Variants in GPR39 observed in about 807,000 individuals in gnomAD.
The protein encoded by GPR39 is zinc sensing receptor.
Under a neutral mutation model 18.4 loss-of-function variants are expected in GPR39, and 23 were observed. That is an observed-to-expected ratio of 1.25 (90% CI 0.90 to 1.77). The LOEUF is 1.77. Ranked by LOEUF, GPR39 falls within the 40% of genes most tolerant of loss-of-function variation. The probability of loss-of-function intolerance (pLI) is 0.00; values close to 1 mark genes in which losing one functional copy is unlikely to be tolerated. For missense variants in GPR39, 647 were observed against 602.4 expected (o/e 1.07, Z -0.78); for synonymous variants, 280 against 257.9 (o/e 1.09, Z -0.82).
At chr2:132,628,148 C>T (rs980756087) in intron 1 of GPR39, among the ~76,000 whole-genome samples, 32 of 152,304 alleles carry the variant, frequency 2.1e-4, no homozygotes, top group Admixed American at 9.2e-4. Context: ...TACAGCCTTG[C>T]TCTGGGAAGC....
chr2:132,643,210 G>T (rs1353319292), intron 1 of GPR39, among the ~76,000 whole-genome samples: 1 of 152,094 alleles, frequency 6.6e-6, no homozygotes, highest in Non-Finnish European at 1.5e-5. Context: ...TTTTTCATCA[G>T]ATCAATATGT....
chr2:132,465,471 A>G (rs76237208), intron 1 of GPR39, among the ~76,000 whole-genome samples: 3,508 of 152,274 alleles, frequency 0.023, 115 homozygotes, highest in East Asian at 0.088. Context: ...ACTGTCTGTG[A>G]GTGCATTGGC....
intron 1 of GPR39, among the ~76,000 whole-genome samples, chr2:132,492,410 C>CAT (rs1288592834): frequency 7.4e-6 from 1 of 134,490 alleles, no homozygotes; most frequent in African/African-American, 2.7e-5. Flanking sequence ...ATATACATAC[C>CAT]ATATATATAC....
At chr2:132,636,408 C>G (rs1442118554) in intron 1 of GPR39, among the ~76,000 whole-genome samples, 1 of 152,138 alleles carries the variant, frequency 6.6e-6, no homozygotes, top group South Asian at 2.1e-4. Context: ...ACTCAGGGAT[C>G]TCAGGAAAGG....
At chr2:132,615,781 C>T (rs909058974) in intron 1 of GPR39, among the ~76,000 whole-genome samples, 6 of 152,164 alleles carry the variant, frequency 3.9e-5, no homozygotes, top group Admixed American at 2.6e-4. Flanking sequence ...TGATGTGGGC[C>T]AAGACTAGGG....
At chr2:132,476,267 G>T (rs1212903417) in intron 1 of GPR39, among the ~76,000 whole-genome samples, 1 of 152,110 alleles carries the variant, frequency 6.6e-6, no homozygotes, top group African/African-American at 2.4e-5. Context: ...GGATGTCCTG[G>T]TTCCAAAGTT....
chr2:132,481,860 C>T (rs913700137), intron 1 of GPR39, among the ~76,000 whole-genome samples: 1 of 152,186 alleles, frequency 6.6e-6, no homozygotes, highest in Non-Finnish European at 1.5e-5. Flanking sequence ...AGCATGCCCT[C>T]CCAGGCCTCC....
intron 1 of GPR39, among the ~76,000 whole-genome samples, chr2:132,637,743 A>G (rs1254242390): frequency 6.6e-6 from 1 of 152,228 alleles, no homozygotes; most frequent in Non-Finnish European, 1.5e-5. Flanking sequence ...GGGAAGGTGC[A>G]GTCAGTCCAT....
chr2:132,449,667 A>G (rs2104769965), intron 1 of GPR39, among the ~76,000 whole-genome samples: 1 of 152,198 alleles, frequency 6.6e-6, no homozygotes, highest in Middle Eastern at 3.4e-3. Flanking sequence ...TTTGCTTCTC[A>G]TCATCTTTGT....
At chr2:132,529,627 C>A (rs949541421) in intron 1 of GPR39, among the ~76,000 whole-genome samples, 3 of 152,202 alleles carry the variant, frequency 2.0e-5, no homozygotes, top group Admixed American at 2.0e-4. Flanking sequence ...TGACACCTCA[C>A]ACGGCCGGGT....
intron 1 of GPR39, among the ~76,000 whole-genome samples, chr2:132,517,761 G>A (rs1300854695): frequency 1.3e-5 from 2 of 152,156 alleles, no homozygotes; most frequent in Non-Finnish European, 2.9e-5. Flanking sequence ...ATTCAGGAAT[G>A]GTTACCTCTT....
intron 1 of GPR39, among the ~76,000 whole-genome samples, chr2:132,602,520 C>CA (rs1169075145): frequency 5.3e-5 from 8 of 151,802 alleles, no homozygotes; most frequent in Admixed American, 2.0e-4. Flanking sequence ...GCACAGACAA[C>CA]AAAAAATAGG....
At chr2:132,558,984 G>A (rs763128252) in intron 1 of GPR39, among the ~76,000 whole-genome samples, 3 of 152,122 alleles carry the variant, frequency 2.0e-5, no homozygotes, top group African/African-American at 7.2e-5. Flanking sequence ...TAGAAAAAAG[G>A]CAAAGGACCT....
At chr2:132,572,923 T>C (rs1680465909) in intron 1 of GPR39, among the ~76,000 whole-genome samples, 1 of 152,196 alleles carries the variant, frequency 6.6e-6, no homozygotes, top group South Asian at 2.1e-4. Flanking sequence ...TGCCCATCTG[T>C]GGAGGTAGAG....
chr2:132,471,460 A>C (rs746192638), intron 1 of GPR39, among the ~76,000 whole-genome samples: 1 of 152,102 alleles, frequency 6.6e-6, no homozygotes, highest in Non-Finnish European at 1.5e-5. Flanking sequence ...GGTAGAGTCA[A>C]AGTATGTGGG....
At chr2:132,630,511 T>G (rs548411897) in intron 1 of GPR39, among the ~76,000 whole-genome samples, 2 of 152,208 alleles carry the variant, frequency 1.3e-5, no homozygotes, top group South Asian at 4.2e-4. Context: ...CTGTAGGACT[T>G]GTTGAGGATT....
chr2:132,466,993 C>T (rs1345415339), intron 1 of GPR39, among the ~76,000 whole-genome samples: 82 of 152,158 alleles, frequency 5.4e-4, no homozygotes, highest in South Asian at 4.1e-4. Flanking sequence ...TTTTAAAGTA[C>T]CTGCCAAAAA....
intron 1 of GPR39, among the ~76,000 whole-genome samples, chr2:132,461,481 T>C (rs1680830503): frequency 6.6e-6 from 1 of 152,246 alleles, no homozygotes; most frequent in Non-Finnish European, 1.5e-5. Context: ...TCAGAACATT[T>C]AGAAAACCAT....
At position 132,643,044 on chromosome 2, in the gene GPR39, A is replaced by G. The variant is rs1573714952; in HGVS notation, c.857-2057A>G. On this transcript the variant is annotated intron_variant, in intron 1 of 1. Coordinates refer to ENST00000329321, the MANE Select transcript of GPR39 (RefSeq NM_001508.3). ...TGGAATAGCACAAGTGGCTGGGAAC[A>G]CCTGTACTCCTCGAAGTGGGAGAAA... is the stretch of plus-strand genomic sequence containing the variant. 3.3e-5 allele frequency among the ~76,000 whole-genome samples: 5 copies of G among 152,178 alleles called. No individual in the cohort carries two copies. In the South Asian group the frequency reaches 1.0e-3, roughly 31 times the overall value.
Sources: gnomAD v4.1 joint callset for allele counts (sites outside exome capture counted in the v4.1 genomes callset) on GRCh38, gnomAD v4.1.1 for gene constraint, MANE v1.5 for transcripts, NCBI Gene and HGNC (gene_info 2026-07-23, HGNC 2026-07-21) for gene names.